Variants in SH3D19 observed in about 807,000 individuals in gnomAD.
The protein encoded by SH3D19 is SH3 domain containing 19.
Under a neutral mutation model 112.1 loss-of-function variants are expected in SH3D19, and 58 were observed. The observed-to-expected ratio is 0.52, with a 90% CI of 0.42 to 0.64. The LOEUF (loss-of-function observed/expected upper bound fraction) is 0.64, where lower values mean the gene tolerates loss of function less well. Among genes scored for constraint, SH3D19 ranks in the 30% least tolerant of loss-of-function variants. SH3D19 has a pLI of 0.00. For missense variants in SH3D19, 1,090 were observed against 1,263.4 expected (o/e 0.86, Z 2.08); for synonymous variants, 391 against 448.5 (o/e 0.87, Z 1.62).
In SH3D19 at chr4:151,221,938, T is replaced by C. The variant is rs576820579; in HGVS notation, c.152+4109A>G. ...CTGGAGACTTTTTCTTATTTTCTAT[T>C]GTATTCTGAGCCAGAACAGAGACTC... On this transcript the variant is annotated intron_variant, in intron 2 of 19. Coordinates refer to ENST00000604030, the MANE Select transcript of SH3D19 (RefSeq NM_001378122.1). 8.5e-5 allele frequency among the ~76,000 whole-genome samples: 13 copies of C among 152,332 alleles called. 1 individual carries two copies. The highest frequency in any genetic ancestry group is 2.4e-4 in the African/African-American group (10 of 41,572).
intron 19 of SH3D19, 47 bp from the exon 20 acceptor site, chr4:151,122,254 G>T: frequency 2.9e-6 from 3 of 1,049,342 alleles, no homozygotes; most frequent in Non-Finnish European, 4.4e-6. Context: ...TTGAGAATAA[G>T]CATGGTAAAT....
chr4:151,204,218 G>T (rs1353128627), intron 2 of SH3D19, among the ~76,000 whole-genome samples: 1 of 152,202 alleles, frequency 6.6e-6, no homozygotes, highest in Non-Finnish European at 1.5e-5. Flanking sequence ...CAAAAATGAT[G>T]TCAAAACCTA....
chr4:151,186,980 G>C (rs1761894477), intron 3 of SH3D19, among the ~76,000 whole-genome samples: 1 of 151,674 alleles, frequency 6.6e-6, no homozygotes, highest in Admixed American at 6.6e-5. Flanking sequence ...ATTTTTAGTA[G>C]AGTCAGGGTT....
intron 2 of SH3D19, among the ~76,000 whole-genome samples, chr4:151,224,496 C>A (rs898369372): frequency 2.0e-5 from 3 of 152,150 alleles, no homozygotes; most frequent in African/African-American, 7.2e-5. Context: ...TGCTAAGTCA[C>A]ATCTCCCTTA....
intron 17 of SH3D19, among the ~76,000 whole-genome samples, chr4:151,130,717 G>A (rs1750471687): frequency 6.6e-6 from 1 of 152,142 alleles, no homozygotes; most frequent in African/African-American, 2.4e-5. Context: ...CGAGGTGGGT[G>A]GATCACGAGG....
intron 1 of SH3D19, among the ~76,000 whole-genome samples, chr4:151,267,460 C>T (rs751617294): frequency 5.3e-5 from 8 of 151,292 alleles, no homozygotes; most frequent in Non-Finnish European, 1.2e-4. Flanking sequence ...TTATTTGTAC[C>T]TCTTGTACTT....
At chr4:151,176,045 A>AT (rs1018493685) in intron 6 of SH3D19, among the ~76,000 whole-genome samples, 3 of 151,666 alleles carry the variant, frequency 2.0e-5, no homozygotes, top group South Asian at 2.1e-4. Flanking sequence ...GAATTTTTCC[A>AT]TTTTTTTGCA....
In SH3D19 at chr4:151,122,159, T is replaced by G. The variant is rs754683748; in HGVS notation, c.3076A>C (p.Ser1026Arg). The G allele has an allele frequency of 1.5e-5, 24 of 1,611,450 alleles. No individual in the cohort carries two copies. The East Asian group carries it at 5.1e-4, about 34-fold the overall frequency. ...CCAGATTTTCCCATAAGTTCTCCAC[T>G]CATCCAGTCATCATCTACAGATTCC... ...ELESVDDDWM[S>R]GELMGKSGIF... Residue 1026 changes from serine to arginine, a missense_variant, in exon 20 of 20, where the codon AGT (serine) becomes CGT (arginine). Ser to Arg is a moderately radical substitution (Grantham distance 110, BLOSUM62 -1). Transcript: ENST00000604030.
chr4:151,183,906 C>T (rs1180587309), intron 3 of SH3D19, among the ~76,000 whole-genome samples: 2 of 152,202 alleles, frequency 1.3e-5, no homozygotes, highest in African/African-American at 2.4e-5. Context: ...GCCACTTAAC[C>T]TTTCTGGGAC....
chr4:151,245,718 C>T (rs559208168), intron 1 of SH3D19, among the ~76,000 whole-genome samples: 1 of 152,326 alleles, frequency 6.6e-6, no homozygotes, highest in African/African-American at 2.4e-5. Flanking sequence ...TCTCCTGCCC[C>T]AGCCTCCTGA....
At chr4:151,289,241 A>G (rs1775102869) in intron 1 of SH3D19, among the ~76,000 whole-genome samples, 1 of 152,226 alleles carries the variant, frequency 6.6e-6, no homozygotes, top group Admixed American at 6.5e-5. Context: ...CTCAAAATGG[A>G]TCTAAGACCT....
intron 1 of SH3D19, among the ~76,000 whole-genome samples, chr4:151,263,542 C>A (rs758709232): frequency 9.2e-5 from 14 of 152,204 alleles, no homozygotes; most frequent in Non-Finnish European, 1.9e-4. Context: ...ATAGTTTCTG[C>A]AGGACAGTTA....
chr4:151,121,832 T>C lies in SH3D19; in HGVS notation c.*259A>G, dbSNP rs1238884771. The C allele has an allele frequency of 3.4e-5, 10 of 292,096 alleles. No homozygotes were observed. Among genetic ancestry groups the C allele is most frequent in the Non-Finnish European group, 5.6e-5 (9 of 159,656 alleles). 18.1% of individuals were successfully genotyped at this position (292,096 alleles called of 1,614,324 possible). On this transcript the variant is annotated 3_prime_UTR_variant, in exon 20 of 20. Coordinates refer to ENST00000604030, the MANE Select transcript of SH3D19 (RefSeq NM_001378122.1). ...CCCATGCTGCCATGCCACCAGATGC[T>C]TTCCCTTCACCTTGCTAATCCCACT...
chr4:151,151,241 G>A (rs1755017604), intron 9 of SH3D19, among the ~76,000 whole-genome samples: 1 of 152,082 alleles, frequency 6.6e-6, no homozygotes, highest in Admixed American at 6.5e-5. Flanking sequence ...GATTACACGC[G>A]TGAGCCACCA....
chr4:151,158,212 T>G (rs1179961444), intron 9 of SH3D19, among the ~76,000 whole-genome samples: 1 of 152,224 alleles, frequency 6.6e-6, no homozygotes, highest in Non-Finnish European at 1.5e-5. Flanking sequence ...TGTACAATTA[T>G]TATTTAAATT....
intron 9 of SH3D19, among the ~76,000 whole-genome samples, chr4:151,158,840 T>C (rs1263584837): frequency 6.6e-6 from 1 of 152,126 alleles, no homozygotes; most frequent in Non-Finnish European, 1.5e-5. Flanking sequence ...AATTTCAGAT[T>C]TAAAAATTCT....
chr4:151,307,731 A>T (rs1214760043), intron 1 of SH3D19, among the ~76,000 whole-genome samples: 1 of 152,244 alleles, frequency 6.6e-6, no homozygotes, highest in Non-Finnish European at 1.5e-5. Flanking sequence ...AGCGCTCAGG[A>T]CTAACAAAGA....
At chr4:151,265,134 AAAAC>A (rs1274026284) in intron 1 of SH3D19, among the ~76,000 whole-genome samples, 1 of 152,210 alleles carries the variant, frequency 6.6e-6, no homozygotes, top group Non-Finnish European at 1.5e-5. Flanking sequence ...AATTCAGAAA[AAAAC>A]AAATTCCCAA....
At chr4:151,243,044 T>C (rs566306573) in intron 1 of SH3D19, among the ~76,000 whole-genome samples, 1 of 152,270 alleles carries the variant, frequency 6.6e-6, no homozygotes, top group South Asian at 2.1e-4. Flanking sequence ...TATGAGGTAA[T>C]TAATTCTATT....
Sources: allele counts gnomAD v4.1 joint callset (sites outside exome capture counted in the v4.1 genomes callset), GRCh38; gene constraint gnomAD v4.1.1; transcripts MANE v1.5; gene names NCBI Gene and HGNC (gene_info 2026-07-23, HGNC 2026-07-21).